The following PAX7 variants were observed in gnomAD, a reference collection of about 807,000 sequenced individuals.
The protein encoded by PAX7 is paired box 7.
PAX7 carries 18 observed loss-of-function variants against 50.7 expected under a neutral mutation model. The observed-to-expected ratio is 0.36, with a 90% CI of 0.25 to 0.53. The LOEUF is 0.53. Ranked by LOEUF, PAX7 falls within the 20% of genes least tolerant of loss-of-function variation. The probability of loss-of-function intolerance (pLI) is 0.93; values close to 1 mark genes in which losing one functional copy is unlikely to be tolerated. For synonymous variants in PAX7, 310 were observed against 290.4 expected (o/e 1.07, Z -0.69); for missense variants, 644 against 702.9 (o/e 0.92, Z 0.95).
intron 5 of PAX7, among the ~76,000 whole-genome samples, chr1:18,693,697 G>A (rs898212671): frequency 2.0e-5 from 3 of 152,316 alleles, no homozygotes; most frequent in East Asian, 1.9e-4. Flanking sequence ...CCTCCTGACC[G>A]AGGTGATATC....
chr1:18,685,641 A>G (rs1168911216), intron 4 of PAX7, among the ~76,000 whole-genome samples: 1 of 152,214 alleles, frequency 6.6e-6, no homozygotes, highest in Non-Finnish European at 1.5e-5. Context: ...AAAGGCGTCA[A>G]AGCAAGACCC....
At chr1:18,676,521 G>T (rs1189215725) in intron 4 of PAX7, among the ~76,000 whole-genome samples, 1 of 151,368 alleles carries the variant, frequency 6.6e-6, no homozygotes, top group African/African-American at 2.4e-5. Context: ...GGGGAAGTTG[G>T]GGGAGGAGAG....
intron 7 of PAX7, among the ~76,000 whole-genome samples, chr1:18,717,699 C>A (rs2089445177): frequency 6.6e-6 from 1 of 152,230 alleles, no homozygotes; most frequent in African/African-American, 2.4e-5. Flanking sequence ...CAAAGCCTGG[C>A]ACGAAGTAGG....
rs139018222 is a variant in PAX7 at position 18,694,186 on chromosome 1, G to A, written c.786+2233G>A. ...GAGTTTTTAAAGAATAAACGGACTG[G>A]TGCGGTGGTTCACTCCTGTAATCCC... is the stretch of plus-strand genomic sequence containing the variant. On this transcript the variant is annotated intron_variant, in intron 5 of 8. Transcript: ENST00000420770. Among the ~76,000 whole-genome samples the A allele has an allele frequency of 2.9e-3, 444 of 152,302 alleles. 1 individual carries two copies. Among genetic ancestry groups the A allele is most frequent in the African/African-American group, 8.5e-3 (352 of 41,580 alleles).
At chr1:18,730,921 G>T (rs917891642) in intron 7 of PAX7, among the ~76,000 whole-genome samples, 1 of 151,312 alleles carries the variant, frequency 6.6e-6, no homozygotes, top group African/African-American at 2.4e-5. Context: ...TGGGGTAGGG[G>T]CCGTGGCGGG....
rs758225083 is a variant in PAX7, at chr1:18,631,556, G to T, written c.-48G>T. On this transcript the variant is annotated 5_prime_UTR_variant, in exon 1 of 9. Coordinates refer to ENST00000420770, the MANE Select transcript of PAX7 (RefSeq NM_001135254.2). ...CGCAGCAGGGGTGAAGGGAGCGGAC[G>T]GGAAGCGATTTTTGCCGACTTTGGA... 2.7e-6 allele frequency: 4 copies of T among 1,505,160 alleles called. No individual in the cohort carries two copies. The highest frequency in any genetic ancestry group is 3.7e-6 in the Non-Finnish European group (4 of 1,089,798). 93.2% of individuals were successfully genotyped at this position (1,505,160 alleles called of 1,614,324 possible). A position where few individuals can be genotyped will look rare whatever the true frequency, so the allele number is the denominator to read the frequency against.
chr1:18,642,479 A>AG (rs901997384), intron 4 of PAX7, among the ~76,000 whole-genome samples: 2 of 152,160 alleles, frequency 1.3e-5, no homozygotes, highest in African/African-American at 2.4e-5. Context: ...GCCATGACTA[A>AG]GGGGGGAGGA....
At chr1:18,646,002 T>C (rs925417459) in intron 4 of PAX7, among the ~76,000 whole-genome samples, 4 of 152,218 alleles carry the variant, frequency 2.6e-5, no homozygotes, top group Non-Finnish European at 4.4e-5. Flanking sequence ...GAATTCACCC[T>C]TCCGAGGGTC....
chr1:18,634,418 C>G lies in PAX7; in HGVS notation c.201C>G (p.Ile67Met), dbSNP rs1476493262. 3.1e-6 allele frequency: 5 copies of G among 1,614,232 alleles called. No homozygotes were observed. The highest frequency in any genetic ancestry group is 4.2e-6 in the Non-Finnish European group (5 of 1,180,044). The change falls in exon 2 of 9, where the codon ATC (isoleucine) becomes ATG (methionine). Residue 67 changes from isoleucine to methionine, a missense_variant. Transcript: ENST00000420770. The surrounding 1 kb of genome is among the most constrained non-coding windows in gnomAD (Gnocchi z 4.0). The part of the protein sequence containing the change: ...HKIVEMAHHG[I>M]RPCVISRQLR... ...TAGTGGAGATGGCCCACCATGGCAT[C>G]CGGCCCTGTGTCATCTCCCGACAGC... is the stretch of plus-strand genomic sequence containing the variant.
At chr1:18,648,327 A>G (rs2088377802) in intron 4 of PAX7, among the ~76,000 whole-genome samples, 1 of 139,836 alleles carries the variant, frequency 7.2e-6, no homozygotes, top group African/African-American at 2.7e-5. Flanking sequence ...TCACTCTACT[A>G]CTTTATTTTT....
At chr1:18,702,985 A>T in intron 6 of PAX7, 109 bp from the exon 7 acceptor site, 1 of 1,025,458 alleles carries the variant, frequency 9.8e-7, no homozygotes, top group Non-Finnish European at 1.5e-6. Flanking sequence ...CCTTCCCTCC[A>T]AGGAATGGAG....
At chr1:18,688,312 A>T (rs542733513) in intron 4 of PAX7, among the ~76,000 whole-genome samples, 2 of 152,350 alleles carry the variant, frequency 1.3e-5, no homozygotes, top group Admixed American at 6.5e-5. Flanking sequence ...GGAAGTTGTG[A>T]GCGTGGGGCC....
intron 4 of PAX7, among the ~76,000 whole-genome samples, chr1:18,656,039 A>G (rs1286152470): frequency 4.6e-5 from 7 of 152,138 alleles, no homozygotes; most frequent in Admixed American, 4.6e-4. Flanking sequence ...CCAGTGTATC[A>G]GTTTAACCCA....
At chr1:18,689,802 G>A (rs1426025902) in intron 4 of PAX7, among the ~76,000 whole-genome samples, 1 of 152,222 alleles carries the variant, frequency 6.6e-6, no homozygotes, top group Non-Finnish European at 1.5e-5. Flanking sequence ...GTGCTCTCCT[G>A]TCTGCCTGCA....
Position 18,703,196 on chromosome 1 carries a change from A to G in PAX7, c.1055A>G (p.Tyr352Cys), listed in dbSNP as rs1412500269. 3 of 1,613,808 alleles carry G rather than the reference A, an allele frequency of 1.9e-6. No individual in the cohort carries two copies. Among genetic ancestry groups the G allele is most frequent in the Non-Finnish European group, 2.5e-6 (3 of 1,179,952 alleles). The change falls in exon 7 of 9, where the codon TAC becomes TGC. Residue 352 changes from tyrosine (Y) to cysteine (C), a missense_variant. Transcript: ENST00000420770. ...AAAAADTSSA[Y>C]GARHSFSSYS... ...GCAGCCGCCGACACCAGCTCTGCCTACGGAGCCCGCCACAGCTTCTCCAGC... is the reference window on the plus strand; with the variant it reads ...GCAGCCGCCGACACCAGCTCTGCCTGCGGAGCCCGCCACAGCTTCTCCAGC...
chr1:18,692,227 A>T (rs1463009546), intron 5 of PAX7, among the ~76,000 whole-genome samples: 1 of 152,156 alleles, frequency 6.6e-6, no homozygotes. Flanking sequence ...GAAGGGAAAG[A>T]AGGACAAAAG....
intron 7 of PAX7, among the ~76,000 whole-genome samples, chr1:18,720,469 G>A (rs930803146): frequency 2.6e-5 from 4 of 152,154 alleles, no homozygotes; most frequent in Admixed American, 2.0e-4. Flanking sequence ...CTCCTGGGCT[G>A]ATTTGGCAGG....
At chr1:18,725,911 G>A (rs1164755402) in intron 7 of PAX7, among the ~76,000 whole-genome samples, 1 of 152,198 alleles carries the variant, frequency 6.6e-6, no homozygotes, top group Non-Finnish European at 1.5e-5. Context: ...TCCATCTGGT[G>A]TTTCCAGATA....
At chr1:18,724,576 G>T (rs753370063) in intron 7 of PAX7, among the ~76,000 whole-genome samples, 1 of 152,206 alleles carries the variant, frequency 6.6e-6, no homozygotes, top group Non-Finnish European at 1.5e-5. Context: ...ATCCTGCAGA[G>T]GATGGTACTA....
Sources: allele counts gnomAD v4.1 joint callset (sites outside exome capture counted in the v4.1 genomes callset), GRCh38; gene constraint gnomAD v4.1.1; non-coding constraint Gnocchi (gnomAD v3.1); transcripts MANE v1.5; gene names NCBI Gene and HGNC (gene_info 2026-07-23, HGNC 2026-07-21).